Variants in MYO18B observed in about 807,000 individuals in gnomAD.
MYO18B encodes unconventional myosin-XVIIIb.
MYO18B carries 204 observed loss-of-function variants against 273.0 expected under a neutral mutation model. That is an observed-to-expected ratio of 0.75 (90% CI 0.67 to 0.84). The LOEUF (loss-of-function observed/expected upper bound fraction) is 0.84. Among genes scored for constraint, MYO18B ranks in the 40% least tolerant of loss-of-function variants. MYO18B has a pLI of 0.00. For synonymous variants in MYO18B, 1,330 were observed against 1,305.7 expected (o/e 1.02, Z -0.40); for missense variants, 3,212 against 3,287.6 (o/e 0.98, Z 0.56).
intron 39 of MYO18B, among the ~76,000 whole-genome samples, chr22:25,985,276 G>T (rs9306420): frequency 0.54 from 82,728 of 151,972 alleles, 23,686 homozygotes; most frequent in African/African-American, 0.61. Context: ...CAGGAGAATT[G>T]CTTGAACCTG....
intron 16 of MYO18B, among the ~76,000 whole-genome samples, chr22:25,833,792 A>C (rs2089799429): frequency 6.6e-6 from 1 of 152,244 alleles, no homozygotes; most frequent in South Asian, 2.1e-4. Flanking sequence ...CTTGGCACAC[A>C]GGAGGTGCCC....
intron 39 of MYO18B, among the ~76,000 whole-genome samples, chr22:25,991,253 C>T (rs925123681): frequency 5.3e-5 from 8 of 152,120 alleles, no homozygotes; most frequent in African/African-American, 1.4e-4. Context: ...ATTTATCCCC[C>T]GTAAGATGAA....
At chr22:25,969,750 C>T (rs77901613) in intron 39 of MYO18B, among the ~76,000 whole-genome samples, 258 of 152,296 alleles carry the variant, frequency 1.7e-3, no homozygotes, top group African/African-American at 5.7e-3. Context: ...TCCATCATGT[C>T]CTTACTGTGT....
intron 21 of MYO18B, among the ~76,000 whole-genome samples, chr22:25,864,249 T>C (rs192179950): frequency 3.7e-4 from 56 of 152,264 alleles, no homozygotes; most frequent in African/African-American, 1.1e-3. Flanking sequence ...TGAGATCCAA[T>C]AGGTTTTCTT....
At chr22:25,923,339 T>G (rs1314205721) in intron 34 of MYO18B, among the ~76,000 whole-genome samples, 1 of 152,228 alleles carries the variant, frequency 6.6e-6, no homozygotes, top group South Asian at 2.1e-4. Flanking sequence ...TCCTGGGTCC[T>G]GGGCAAGCCA....
chr22:25,777,238 C>T (rs867837576), intron 7 of MYO18B, among the ~76,000 whole-genome samples: 8 of 152,190 alleles, frequency 5.3e-5, no homozygotes, highest in Non-Finnish European at 8.8e-5. Context: ...ATTATGCTAT[C>T]GATCCAGCTG....
chr22:25,934,268 G>C (rs2092548571), intron 34 of MYO18B, among the ~76,000 whole-genome samples: 1 of 151,698 alleles, frequency 6.6e-6, no homozygotes, highest in South Asian at 2.1e-4. Flanking sequence ...ACATTTTCTT[G>C]GTGGTGTCTT....
At chr22:25,872,135 A>G (rs1222979611) in intron 22 of MYO18B, among the ~76,000 whole-genome samples, 2 of 152,260 alleles carry the variant, frequency 1.3e-5, no homozygotes, top group East Asian at 3.9e-4. Flanking sequence ...CTGCAAAGCC[A>G]TGGAGGGTTA....
chr22:26,053,344 G>A, the MYO18B span, among the ~76,000 whole-genome samples: 1 of 152,194 alleles, frequency 6.6e-6, no homozygotes, highest in Non-Finnish European at 1.5e-5. Context: ...TAATTAAAAA[G>A]TAAGGTAGGT....
chr22:25,921,151 G>T, intron 33 of MYO18B, 106 bp from the exon 34 acceptor site: 1 of 1,164,396 alleles, frequency 8.6e-7, no homozygotes, highest in Non-Finnish European at 1.2e-6. Context: ...GTCACACGGT[G>T]TGAGTGGCAG....
intron 18 of MYO18B, among the ~76,000 whole-genome samples, chr22:25,845,259 C>T (rs755196734): frequency 1.3e-5 from 2 of 152,208 alleles, no homozygotes; most frequent in African/African-American, 2.4e-5. Context: ...TGGCTCACGC[C>T]TGTAATCCTG....
intron 39 of MYO18B, among the ~76,000 whole-genome samples, chr22:25,958,774 A>G (rs757795817): frequency 6.6e-6 from 1 of 152,126 alleles, no homozygotes; most frequent in African/African-American, 2.4e-5. Flanking sequence ...TGGCTTCTGA[A>G]GACAGATCAT....
At chr22:25,779,680 C>G (rs997864503) in intron 8 of MYO18B, among the ~76,000 whole-genome samples, 1 of 152,204 alleles carries the variant, frequency 6.6e-6, no homozygotes, top group Non-Finnish European at 1.5e-5. Flanking sequence ...AAGCCTGCCT[C>G]TAAGCTGTGA....
In MYO18B at chr22:25,798,015, C is replaced by T. The variant is rs738642; in HGVS notation, c.2439C>T (p.Leu813=). The T allele has an allele frequency of 3.2e-5, 51 of 1,613,516 alleles. No homozygotes were observed. Among genetic ancestry groups the T allele is most frequent in the African/African-American group, 4.0e-5 (3 of 74,832 alleles). Residue 813 remains leucine (L), a synonymous_variant, in exon 12 of 44, where the codon CTC becomes CTT. Transcript: ENST00000335473. ...AGCTCCAGGGTGCCATGGAGATGCTCGGCATCTCAGAGAGCGAGCAGCGGG... is the reference window on the plus strand; with the variant it reads ...AGCTCCAGGGTGCCATGGAGATGCTTGGCATCTCAGAGAGCGAGCAGCGGG... ...FAQLQGAMEM[L]GISESEQRAV...
At chr22:25,839,185 AGT>A (rs530646337) in intron 17 of MYO18B, among the ~76,000 whole-genome samples, 15 of 144,814 alleles carry the variant, frequency 1.0e-4, no homozygotes, top group East Asian at 6.1e-4. Flanking sequence ...TATATGTATG[AGT>A]GTGTTTGTAT....
At chr22:25,907,431 G>A (rs753336415) in intron 31 of MYO18B, among the ~76,000 whole-genome samples, 2 of 152,220 alleles carry the variant, frequency 1.3e-5, no homozygotes. Context: ...GGAGGGGATA[G>A]TCTTTTCTGT....
At position 25,828,921 on chromosome 22, in the gene MYO18B, C is replaced by A. The variant is rs942912882; in HGVS notation, c.2932C>A (p.Leu978Met). ...HNYAHERLQL[L>M]FYQRTFVSTL... ...CTACGCCCATGAGCGCCTGCAGCTG[C>A]TGTTCTACCAGCGGACCTTTGTCTC... is the stretch of plus-strand genomic sequence containing the variant. Residue 978 changes from leucine to methionine, a missense_variant, in exon 15 of 44, where the codon CTG becomes ATG. By Grantham distance (15) the Leu-to-Met change is conservative. Coordinates refer to ENST00000335473, the MANE Select transcript of MYO18B (RefSeq NM_032608.7). The A allele has an allele frequency of 3.5e-5, 57 of 1,613,890 alleles. No homozygotes were observed. The highest frequency in any genetic ancestry group is 4.7e-5 in the Non-Finnish European group (55 of 1,179,902).
chr22:25,743,101 C>G (rs2085676991), intron 1 of MYO18B, among the ~76,000 whole-genome samples: 1 of 152,208 alleles, frequency 6.6e-6, no homozygotes, highest in East Asian at 1.9e-4. Flanking sequence ...AATGGGGAGC[C>G]CAGTCGGCTC....
At chr22:25,782,170 G>A (rs1569011255) in intron 10 of MYO18B, among the ~76,000 whole-genome samples, 1 of 151,964 alleles carries the variant, frequency 6.6e-6, no homozygotes, top group Non-Finnish European at 1.5e-5. Context: ...TTTGTAATGT[G>A]GAAACAACAC....
Sources: allele counts gnomAD v4.1 joint callset (sites outside exome capture counted in the v4.1 genomes callset), GRCh38; gene constraint gnomAD v4.1.1; transcripts MANE v1.5; gene names NCBI Gene and HGNC (gene_info 2026-07-23, HGNC 2026-07-21).